The following ATXN2 variants were observed in gnomAD, a reference collection of about 807,000 sequenced individuals.
The protein encoded by ATXN2 is ataxin 2.
Under a neutral mutation model 138.6 loss-of-function variants are expected in ATXN2, and 37 were observed. That is an observed-to-expected ratio of 0.27 (90% CI 0.21 to 0.35). The LOEUF is 0.35. Among genes scored for constraint, ATXN2 ranks in the 10% least tolerant of loss-of-function variants. The pLI is 1.00. For synonymous variants in ATXN2, 549 were observed against 543.7 expected (o/e 1.01, Z -0.13); for missense variants, 1,216 against 1,480.3 (o/e 0.82, Z 2.93).
intron 5 of ATXN2, among the ~76,000 whole-genome samples, chr12:111,546,075 T>C (rs1239635662): frequency 6.6e-6 from 1 of 152,190 alleles, no homozygotes; most frequent in African/African-American, 2.4e-5. Flanking sequence ...CTTTTATGAT[T>C]TTTCACTAAA....
intron 18 of ATXN2, among the ~76,000 whole-genome samples, chr12:111,482,526 C>A (rs1354858526): frequency 6.6e-6 from 1 of 152,018 alleles, no homozygotes; most frequent in Admixed American, 6.5e-5. Flanking sequence ...AAAGACAGTA[C>A]CTCCTGAAGT....
At chr12:111,569,036 G>C (rs1323760743) in intron 1 of ATXN2, among the ~76,000 whole-genome samples, 1 of 152,070 alleles carries the variant, frequency 6.6e-6, no homozygotes, top group Non-Finnish European at 1.5e-5. Flanking sequence ...AACTGAGGTG[G>C]GAAGGCAACT....
intron 5 of ATXN2, among the ~76,000 whole-genome samples, chr12:111,551,844 C>A (rs561496884): frequency 6.6e-6 from 1 of 151,950 alleles, no homozygotes; most frequent in Non-Finnish European, 1.5e-5. Flanking sequence ...AAAAAATTAC[C>A]TTACTTGGGC....
At chr12:111,487,920 T>C (rs1399792783) in intron 15 of ATXN2, among the ~76,000 whole-genome samples, 2 of 152,168 alleles carry the variant, frequency 1.3e-5, no homozygotes, top group South Asian at 2.1e-4. Flanking sequence ...ACTGGATTGT[T>C]TGGTACCCAA....
intron 1 of ATXN2, among the ~76,000 whole-genome samples, chr12:111,597,117 T>TA (rs1884974996): frequency 7.3e-6 from 1 of 137,102 alleles, no homozygotes; most frequent in Non-Finnish European, 1.5e-5. Context: ...CTAGTTTGGC[T>TA]AAGTAGTGTT....
chr12:111,454,684 C>T (rs141837485), intron 23 of ATXN2: 339 of 275,518 alleles, frequency 1.2e-3, no homozygotes, highest in East Asian at 0.012. Context: ...TTCTAGACTA[C>T]GATAAGCCTT....
chr12:111,482,190 A>ATTTTT (rs1164424839), intron 18 of ATXN2, among the ~76,000 whole-genome samples: 3 of 101,356 alleles, frequency 3.0e-5, no homozygotes, highest in South Asian at 4.1e-4. Flanking sequence ...TTTCTCTACT[A>ATTTTT]TTTTTTTTTT....
intron 1 of ATXN2, among the ~76,000 whole-genome samples, chr12:111,584,476 G>A (rs541567341): frequency 6.3e-4 from 94 of 149,188 alleles, no homozygotes; most frequent in African/African-American, 2.1e-3. Context: ...CCCAGAGTTG[G>A]CCAAAAATTA....
At chr12:111,594,713 A>C (rs1884848627) in intron 1 of ATXN2, among the ~76,000 whole-genome samples, 1 of 152,220 alleles carries the variant, frequency 6.6e-6, no homozygotes, top group African/African-American at 2.4e-5. Flanking sequence ...TCAACCAGCG[A>C]AAATTCCCAA....
intron 20 of ATXN2, among the ~76,000 whole-genome samples, chr12:111,465,627 G>A (rs867309423): frequency 1.7e-4 from 26 of 151,702 alleles, no homozygotes; most frequent in African/African-American, 4.6e-4. Context: ...AAAATTGGCC[G>A]GTCGTGGTGG....
intron 1 of ATXN2, among the ~76,000 whole-genome samples, chr12:111,572,640 ATT>A (rs1937315002): frequency 6.6e-6 from 1 of 152,234 alleles, no homozygotes; most frequent in South Asian, 2.1e-4. Context: ...ACCTCCTGAT[ATT>A]GTTTGGCCCA....
At chr12:111,505,870 C>T (rs889588708) in intron 14 of ATXN2, among the ~76,000 whole-genome samples, 2 of 151,906 alleles carry the variant, frequency 1.3e-5, no homozygotes, top group East Asian at 1.9e-4. Flanking sequence ...AAAGATAGGA[C>T]GAGAAAAAAA....
At position 111,495,649 on chromosome 12, in the gene ATXN2, T is replaced by G. The variant is rs1010783006; in HGVS notation, c.1936-6869A>C. On this transcript the variant is annotated intron_variant, in intron 14 of 24. Transcript: ENST00000673436. ...CAGACCTCAGTAACAGTCGGAAACTTCAACACCCCACTCTCAGCAATGGAC... is the reference window on the plus strand; with the variant it reads ...CAGACCTCAGTAACAGTCGGAAACTGCAACACCCCACTCTCAGCAATGGAC... 1.2e-4 allele frequency among the ~76,000 whole-genome samples: 19 copies of G among 152,214 alleles called. No homozygotes were observed. In the South Asian group the frequency reaches 3.1e-3, roughly 25 times the overall value.
chr12:111,576,650 T>C (rs1443209905), intron 1 of ATXN2, among the ~76,000 whole-genome samples: 3 of 151,568 alleles, frequency 2.0e-5, no homozygotes, highest in Admixed American at 6.6e-5. Context: ...AAATGGCCAA[T>C]TTGTGTATTT....
intron 21 of ATXN2, among the ~76,000 whole-genome samples, chr12:111,458,678 A>T (rs1387842485): frequency 6.6e-6 from 1 of 152,214 alleles, no homozygotes; most frequent in Non-Finnish European, 1.5e-5. Context: ...AGTTCCCCAC[A>T]TTCTTCATAT....
chr12:111,548,705 T>G (rs1482451492), intron 5 of ATXN2, among the ~76,000 whole-genome samples: 1 of 152,194 alleles, frequency 6.6e-6, no homozygotes. Context: ...TTGCCAATTC[T>G]GAGACAGAAA....
At chr12:111,495,202 G>T (rs1484102322) in intron 14 of ATXN2, among the ~76,000 whole-genome samples, 1 of 151,888 alleles carries the variant, frequency 6.6e-6, no homozygotes, top group Non-Finnish European at 1.5e-5. Flanking sequence ...CAGCTACTTG[G>T]GAGGCTGAGG....
Position 111,525,378 on chromosome 12 carries a change from G to C in ATXN2, c.572-62C>G, listed in dbSNP as rs767657279. 3.5e-6 allele frequency: 5 copies of C among 1,411,406 alleles called. No individual in the cohort carries two copies. The African/African-American group carries it at 5.8e-5, about 16-fold the overall frequency. 87.4% of individuals were successfully genotyped at this position (1,411,406 alleles called of 1,614,324 possible). On this transcript the variant is annotated intron_variant, in intron 5 of 24. Transcript: ENST00000673436. ...CTGGCAATCAGTTACACTCACACAC[G>C]TGAATTACCAACAAAGACATATGTT...
chr12:111,544,315 C>T (rs1881692931), intron 5 of ATXN2, among the ~76,000 whole-genome samples: 2 of 152,176 alleles, frequency 1.3e-5, no homozygotes. Context: ...TGTAAGACCA[C>T]TTACAGCTTT....
Sources: allele counts gnomAD v4.1 joint callset (sites outside exome capture counted in the v4.1 genomes callset), GRCh38; gene constraint gnomAD v4.1.1; transcripts MANE v1.5; gene names NCBI Gene and HGNC (gene_info 2026-07-23, HGNC 2026-07-21).